CX3CR1: variants seen among roughly 807,000 people sequenced by gnomAD.
CX3CR1 encodes C-X3-C motif chemokine receptor 1, also known as CX3C chemokine receptor 1.
For synonymous variants in CX3CR1, 168 were observed against 178.5 expected, an observed-to-expected ratio of 0.94 and a Z score of 0.47; for missense variants, 363 against 432.4, an observed-to-expected ratio of 0.84 and a Z score of 1.42.
chr3:39,283,822 T>TA (rs2040926840), upstream of CX3CR1, among the ~76,000 whole-genome samples: 1 of 72,816 alleles, frequency 1.4e-5, no homozygotes. Flanking sequence ...TATATATATA[T>TA]ATATATATAT....
At chr3:39,292,146 T>A in the CX3CR1 span, among the ~76,000 whole-genome samples, 36 of 152,194 alleles carry the variant, frequency 2.4e-4, no homozygotes, top group African/African-American at 8.7e-4. Flanking sequence ...CTGCCTTGGG[T>A]CAGGCCCTGT....
intron 1 of CX3CR1, 136 bp from the exon 2 acceptor site, chr3:39,266,654 C>T: frequency 1.2e-6 from 1 of 852,980 alleles, no homozygotes. Flanking sequence ...CAACTTCCCA[C>T]TTGCCATCTT....
intron 1 of CX3CR1, among the ~76,000 whole-genome samples, chr3:39,271,438 T>C (rs2040775596): frequency 6.6e-6 from 1 of 152,216 alleles, no homozygotes; most frequent in South Asian, 2.1e-4. Context: ...GTCAGCTCTA[T>C]AATATGGAGC....
At chr3:39,289,142 G>C in the CX3CR1 span, among the ~76,000 whole-genome samples, 67 of 151,334 alleles carry the variant, frequency 4.4e-4, 1 homozygote, top group Admixed American at 4.4e-3. Context: ...CAATGAGTGA[G>C]ACTCCATCTA....
the CX3CR1 span, among the ~76,000 whole-genome samples, chr3:39,288,400 C>G: frequency 6.6e-6 from 1 of 152,190 alleles, no homozygotes; most frequent in African/African-American, 2.4e-5. Flanking sequence ...TTAATGGTCT[C>G]GCTTTGGCTT....
At chr3:39,288,548 A>T in the CX3CR1 span, among the ~76,000 whole-genome samples, 1 of 152,210 alleles carries the variant, frequency 6.6e-6, no homozygotes, top group African/African-American at 2.4e-5. Context: ...CCCCAGGTCC[A>T]GGAGCAGCAG....
Sources: gnomAD v4.1 joint callset for allele counts (sites outside exome capture counted in the v4.1 genomes callset) on GRCh38, gnomAD v4.1.1 for gene constraint, MANE v1.5 for transcripts, NCBI Gene and HGNC (gene_info 2026-07-23, HGNC 2026-07-21) for gene names.